The following ERMP1 variants were observed in gnomAD, a reference collection of about 807,000 sequenced individuals.
The protein encoded by ERMP1 is Felix-ina.
Under a neutral mutation model 92.0 loss-of-function variants are expected in ERMP1, and 86 were observed. The observed-to-expected ratio is 0.93, with a 90% CI of 0.79 to 1.12. The LOEUF (loss-of-function observed/expected upper bound fraction) is 1.12. Among genes scored for constraint, ERMP1 ranks in the 50% most tolerant of loss-of-function variants. ERMP1 has a pLI of 0.00. For synonymous variants in ERMP1, 530 were observed against 412.8 expected (o/e 1.28, Z -3.44); for missense variants, 1,342 against 1,116.3 (o/e 1.20, Z -2.88).
At chr9:5,817,115 G>T (rs1829341303) in intron 4 of ERMP1, among the ~76,000 whole-genome samples, 1 of 151,826 alleles carries the variant, frequency 6.6e-6, no homozygotes, top group South Asian at 2.1e-4. Context: ...ATCCAGGAAG[G>T]TCTCGATCTC....
Position 5,847,691 on chromosome 9 carries a change from C to T in ERMP1, n.3199+11777G>A, listed in dbSNP as rs1356060287. ...CGGGCGGATCATGAGGTCAAGAGAT[C>T]GAGACCATCCTGGCTAACACGGTAA... On this transcript the variant is annotated intron_variant and non_coding_transcript_variant, in intron 6 of 6. Transcript: ENST00000690753. Among the ~76,000 whole-genome samples the T allele has an allele frequency of 2.0e-5, 3 of 151,958 alleles. No homozygotes were observed. In the East Asian group the frequency reaches 5.8e-4, roughly 29 times the overall value.
chr9:5,801,387 G>A, intron 10 of ERMP1, 59 bp from the exon 11 acceptor site: 2 of 1,530,698 alleles, frequency 1.3e-6, no homozygotes, highest in Non-Finnish European at 1.8e-6. Flanking sequence ...GTGGAAAGGT[G>A]TTTTTAACTA....
chr9:5,847,725 G>C (rs10122227), intron 6 of ERMP1, among the ~76,000 whole-genome samples: 144,713 of 151,892 alleles, frequency 0.95, 69,224 homozygotes, highest in East Asian at 1. Context: ...AAAACCCTGT[G>C]TCTACTACAA....
rs926894104 is a variant in ERMP1 at position 5,785,030 on chromosome 9, A to G, written c.*2114T>C. 1.1e-4 allele frequency: 17 copies of G among 152,204 alleles called. No individual in the cohort carries two copies. Among genetic ancestry groups the G allele is most frequent in the Non-Finnish European group, 1.6e-4 (11 of 68,036 alleles). The allele number at this position is 152,204 out of a possible 1,614,324, so 9.4% of individuals were successfully genotyped here. A position where few individuals can be genotyped will look rare whatever the true frequency, so the allele number is the denominator to read the frequency against. On this transcript the variant is annotated 3_prime_UTR_variant, in exon 15 of 15. Transcript: ENST00000339450. ...CGGTATGCTTAACAGAGTCATAAAT[A>G]CTGTGTATAATTGCTTGACCATTTC... is the stretch of plus-strand genomic sequence containing the variant.
chr9:5,799,532 C>CAA (rs201586780), intron 11 of ERMP1, among the ~76,000 whole-genome samples: 2 of 150,774 alleles, frequency 1.3e-5, no homozygotes, highest in African/African-American at 4.9e-5. Flanking sequence ...AAAAAACAAA[C>CAA]AAAAAAAAAC....
In ERMP1 at chr9:5,805,705, A is replaced by G; in HGVS notation, c.1629T>C (p.Thr543=). The part of the protein sequence containing the change: ...FVHCCFLVTL[T]YQGLCSAFIS... ...TAAACGCCGAGCAAAGTCCTTGGTAAGTGAGGGTAACAAGAAAACAGCAAT... is the reference window on the plus strand; with the variant it reads ...TAAACGCCGAGCAAAGTCCTTGGTAGGTGAGGGTAACAAGAAAACAGCAAT... Residue 543 remains threonine (T), a synonymous_variant, in exon 9 of 15, where the codon ACT becomes ACC. Coordinates refer to ENST00000339450, the MANE Select transcript of ERMP1 (RefSeq NM_024896.3). The G allele has an allele frequency of 2.5e-6, 4 of 1,613,714 alleles. No homozygotes were observed. Among genetic ancestry groups the G allele is most frequent in the Non-Finnish European group, 3.4e-6 (4 of 1,179,872 alleles).
chr9:5,833,941 G>A (rs556485174), upstream of ERMP1, among the ~76,000 whole-genome samples: 1 of 152,332 alleles, frequency 6.6e-6, no homozygotes, highest in Admixed American at 6.5e-5. Flanking sequence ...CGGTACCCAT[G>A]AGCCTCTCTG....
At chr9:5,833,968 C>T (rs1210456044), upstream of ERMP1, among the ~76,000 whole-genome samples, 1 of 152,180 alleles carries the variant, frequency 6.6e-6, no homozygotes, top group African/African-American at 2.4e-5. Flanking sequence ...GGTTTTTTGT[C>T]CCTAGCTTGG....
At chr9:5,797,350 G>T (rs1157244986) in intron 13 of ERMP1, among the ~76,000 whole-genome samples, 1 of 151,642 alleles carries the variant, frequency 6.6e-6, no homozygotes, top group East Asian at 1.9e-4. Context: ...TTTTTGTTAA[G>T]AAGTCATAAC....
chr9:5,848,657 A>C (rs1357195379), intron 6 of ERMP1, among the ~76,000 whole-genome samples: 13 of 151,986 alleles, frequency 8.6e-5, no homozygotes, highest in Admixed American at 8.5e-4. Context: ...TCAGAGCTTG[A>C]ATGCTTACCA....
At chr9:5,855,984 G>C (rs757213954) in intron 6 of ERMP1, 2 of 299,414 alleles carry the variant, frequency 6.7e-6, no homozygotes, top group Non-Finnish European at 1.4e-5. Flanking sequence ...TGGACTAATG[G>C]TTCTCCAGAG....
At chr9:5,821,721 C>A (rs942161616) in intron 4 of ERMP1, among the ~76,000 whole-genome samples, 2 of 152,122 alleles carry the variant, frequency 1.3e-5, no homozygotes, top group East Asian at 3.8e-4. Flanking sequence ...TGGATAGGAG[C>A]AGTATAGGGG....
intron 6 of ERMP1, 47 bp from the exon 7 acceptor site, chr9:5,811,370 A>C: frequency 1.4e-6 from 2 of 1,430,196 alleles, no homozygotes; most frequent in Non-Finnish European, 1.9e-6. Flanking sequence ...AAAAAGATAA[A>C]AAGGCTGAAT....
intron 4 of ERMP1, among the ~76,000 whole-genome samples, chr9:5,813,881 T>C (rs925467711): frequency 7.4e-5 from 11 of 148,368 alleles, no homozygotes; most frequent in Non-Finnish European, 1.2e-4. Flanking sequence ...ATTATACGTA[T>C]ATTTATATAA....
intron 4 of ERMP1, among the ~76,000 whole-genome samples, chr9:5,820,039 C>T (rs1285402303): frequency 6.6e-6 from 1 of 152,332 alleles, no homozygotes; most frequent in South Asian, 2.1e-4. Context: ...GTGGGTCACA[C>T]CTGTAATCCC....
At chr9:5,844,544 G>T (rs1486426180) in intron 6 of ERMP1, among the ~76,000 whole-genome samples, 1 of 152,172 alleles carries the variant, frequency 6.6e-6, no homozygotes, top group Non-Finnish European at 1.5e-5. Flanking sequence ...AAAGTGCTGG[G>T]ATTACAGGCG....
At chr9:5,791,173 G>T in intron 13 of ERMP1, 1 of 456,136 alleles carries the variant, frequency 2.2e-6, no homozygotes, top group Non-Finnish European at 4.4e-6. Flanking sequence ...GATGTGTACA[G>T]AGAGAAAGAG....
intron 13 of ERMP1, among the ~76,000 whole-genome samples, 164 bp downstream of exon 13, chr9:5,797,653 A>G (rs895940647): frequency 7.9e-5 from 12 of 152,050 alleles, no homozygotes; most frequent in Admixed American, 7.2e-4. Flanking sequence ...ATCTCAAAAA[A>G]AAAAAAAAAA....
At chr9:5,861,201 G>A (rs1017144139) in intron 5 of ERMP1, among the ~76,000 whole-genome samples, 55 of 150,022 alleles carry the variant, frequency 3.7e-4, no homozygotes, top group South Asian at 1.3e-3. Flanking sequence ...GTGTGTGTGT[G>A]TGTGTGTGTG....
Sources: allele counts gnomAD v4.1 joint callset (sites outside exome capture counted in the v4.1 genomes callset), GRCh38; gene constraint gnomAD v4.1.1; transcripts MANE v1.5; gene names NCBI Gene and HGNC (gene_info 2026-07-23, HGNC 2026-07-21).